The following PTPRA variants were observed in gnomAD, a reference collection of about 807,000 sequenced individuals.
The protein encoded by PTPRA is receptor-type tyrosine-protein phosphatase alpha.
Under a neutral mutation model 104.8 loss-of-function variants are expected in PTPRA, and 25 were observed. The observed-to-expected ratio is 0.24, with a 90% CI of 0.17 to 0.33. The LOEUF (loss-of-function observed/expected upper bound fraction) is 0.33. Ranked by LOEUF, PTPRA falls within the 10% of genes least tolerant of loss-of-function variation. The pLI, the probability that PTPRA is intolerant of heterozygous loss-of-function variation, is 1.00. For synonymous variants in PTPRA, 323 were observed against 368.9 expected (o/e 0.88, Z 1.43); for missense variants, 765 against 1,015.3 (o/e 0.75, Z 3.35).
At chr20:3,018,893 G>A (rs1391146517) in intron 13 of PTPRA, among the ~76,000 whole-genome samples, 78 of 117,888 alleles carry the variant, frequency 6.6e-4, no homozygotes, top group African/African-American at 2.8e-3. Context: ...GTGGCTGGCC[G>A]GGCAGAGGGG....
chr20:2,918,381 C>T (rs913210474), intron 1 of PTPRA, among the ~76,000 whole-genome samples: 1 of 152,064 alleles, frequency 6.6e-6, no homozygotes, highest in Admixed American at 6.6e-5. Flanking sequence ...ATCAGGAGAG[C>T]GATTTTCCTG....
intron 6 of PTPRA, among the ~76,000 whole-genome samples, chr20:2,982,428 A>G (rs918768252): frequency 3.9e-5 from 6 of 152,142 alleles, no homozygotes; most frequent in African/African-American, 1.4e-4. Flanking sequence ...AAAGACATTT[A>G]GTGATAAATT....
chr20:2,915,922 C>T (rs151319050), intron 1 of PTPRA, among the ~76,000 whole-genome samples: 1,633 of 152,190 alleles, frequency 0.011, 35 homozygotes, highest in African/African-American at 0.036. Flanking sequence ...TGCAGTGAGC[C>T]GAGATTGCAT....
At chr20:3,030,705 A>C (rs1388981433) in intron 20 of PTPRA, among the ~76,000 whole-genome samples, 1 of 20,146 alleles carries the variant, frequency 5.0e-5, no homozygotes, top group African/African-American at 2.8e-4. Flanking sequence ...TTTTTTTTTG[A>C]GATGGAGTCT....
At position 2,964,911 on chromosome 20, in the gene PTPRA, C is replaced by A; in HGVS notation, c.124C>A (p.Pro42Thr). Residue 42 changes from proline to threonine, a missense_variant, in exon 5 of 24, where the codon CCA becomes ACA. Transcript: ENST00000399903. The stretch of plus-strand genomic sequence containing the variant: ...ATTAATTAACTCATCAACGGCAGAA[C>A]CAGTTAAAGAAGAGGCCAAAACTTC... ...TRLINSSTAE[P>T]VKEEAKTSNP... The A allele has an allele frequency of 6.2e-7, 1 of 1,614,146 alleles. No individual in the cohort carries two copies. Among genetic ancestry groups the A allele is most frequent in the African/African-American group, 1.3e-5 (1 of 75,056 alleles).
chr20:2,941,021 T>TG (rs1389059713), intron 2 of PTPRA, among the ~76,000 whole-genome samples: 30 of 151,424 alleles, frequency 2.0e-4, no homozygotes, highest in South Asian at 4.2e-4. Context: ...GGTTTTTTTT[T>TG]GGGGGTTTTT....
chr20:2,966,002 A>C (rs906025009), intron 5 of PTPRA, among the ~76,000 whole-genome samples: 6 of 152,154 alleles, frequency 3.9e-5, no homozygotes, highest in Non-Finnish European at 8.8e-5. Context: ...TCTAGCAAAA[A>C]TCACTCTTTC....
At chr20:3,001,500 A>G (rs1055334186) in intron 9 of PTPRA, among the ~76,000 whole-genome samples, 2 of 152,216 alleles carry the variant, frequency 1.3e-5, no homozygotes, top group Admixed American at 6.5e-5. Flanking sequence ...ATTTTAGAGA[A>G]GGGATGCACA....
chr20:2,942,106 A>G (rs983760635), intron 2 of PTPRA, among the ~76,000 whole-genome samples: 5 of 152,186 alleles, frequency 3.3e-5, no homozygotes, highest in Non-Finnish European at 7.4e-5. Flanking sequence ...TATTTCCCCA[A>G]TGATTGCCTT....
In PTPRA at chr20:2,927,198, C is replaced by T. The variant is rs148632551; in HGVS notation, c.-50+3913C>T. 6.3e-3 allele frequency among the ~76,000 whole-genome samples: 956 copies of T among 152,174 alleles called. 4 individuals carry two copies. Among genetic ancestry groups the T allele is most frequent in the Non-Finnish European group, 9.9e-3 (671 of 68,000 alleles). ...GCTGGGATTACAGTCGTGAGTGCCGCGCCCACTTAATATTTATGTTATTAT... is the reference window on the plus strand; with the variant it reads ...GCTGGGATTACAGTCGTGAGTGCCGTGCCCACTTAATATTTATGTTATTAT... On this transcript the variant is annotated intron_variant, in intron 2 of 23. Transcript: ENST00000399903.
upstream of PTPRA, among the ~76,000 whole-genome samples, chr20:2,871,553 T>C (rs2089428648): frequency 6.6e-6 from 1 of 151,958 alleles, no homozygotes; most frequent in Admixed American, 6.6e-5. Flanking sequence ...TATTAAGAAA[T>C]AATAGTGTAA....
At position 3,037,151 on chromosome 20, in the gene PTPRA, C is replaced by T. The variant is rs746262266; in HGVS notation, c.2199-3C>T. On this transcript the variant is annotated splice_polypyrimidine_tract_variant and splice_region_variant and intron_variant, in intron 22 of 23. Transcript: ENST00000399903. The surrounding 1 kb of genome is among the most constrained non-coding windows in gnomAD (Gnocchi z 4.3). The stretch of plus-strand genomic sequence containing the variant: ...TGTGGTAAATGTGTCTGCTCTGTTG[C>T]AGCGCCGGGGCAGGAAGGACGGGGA... 2 of 1,613,496 alleles carry T rather than the reference C, an allele frequency of 1.2e-6. No individual in the cohort carries two copies. The highest frequency in any genetic ancestry group is 8.5e-7 in the Non-Finnish European group (1 of 1,179,660).
chr20:2,922,525 A>G (rs990562636), intron 1 of PTPRA, among the ~76,000 whole-genome samples: 3 of 152,032 alleles, frequency 2.0e-5, no homozygotes, highest in Non-Finnish European at 4.4e-5. Flanking sequence ...TTTTTGGTAG[A>G]GACGGGGTTT....
chr20:2,994,564 G>C (rs2063324213), intron 9 of PTPRA, among the ~76,000 whole-genome samples: 2 of 152,196 alleles, frequency 1.3e-5, no homozygotes, highest in South Asian at 4.1e-4. Flanking sequence ...TTCCTCACCA[G>C]TGTATAGCCT....
chr20:2,942,729 A>G (rs1283948265), intron 2 of PTPRA, among the ~76,000 whole-genome samples: 1 of 150,524 alleles, frequency 6.6e-6, no homozygotes, highest in East Asian at 1.9e-4. Flanking sequence ...TATATGATAT[A>G]TATTTAATAT....
At chr20:2,898,327 A>G (rs1329219487) in intron 1 of PTPRA, among the ~76,000 whole-genome samples, 3 of 151,062 alleles carry the variant, frequency 2.0e-5, no homozygotes, top group Admixed American at 1.3e-4. Context: ...TGATCCGCCC[A>G]CCTCGGCCTC....
At position 3,037,126 on chromosome 20, in the gene PTPRA, T is replaced by A. The variant is rs758483426; in HGVS notation, c.2199-28T>A. Reference sequence around the variant, plus strand: ...CCCTTGCACAGAGGGCCATCACAGGTGTGGTAAATGTGTCTGCTCTGTTGC... The same window carrying A: ...CCCTTGCACAGAGGGCCATCACAGGAGTGGTAAATGTGTCTGCTCTGTTGC... On this transcript the variant is annotated intron_variant, in intron 22 of 23. Transcript: ENST00000399903. The surrounding 1 kb of genome is among the most constrained non-coding windows in gnomAD (Gnocchi z 4.3). 6.2e-7 allele frequency: 1 copy of A among 1,609,598 alleles called. No homozygotes were observed. Among genetic ancestry groups the A allele is most frequent in the Non-Finnish European group, 8.5e-7 (1 of 1,177,632 alleles).
rs775813360 is a variant in PTPRA, at chr20:3,007,465, G to T, written c.906+45G>T. The T allele has an allele frequency of 8.3e-6, 13 of 1,557,520 alleles. No homozygotes were observed. In the Admixed American group the frequency reaches 8.4e-5, roughly 10 times the overall value. On this transcript the variant is annotated intron_variant, in intron 11 of 23. Coordinates refer to ENST00000399903, the MANE Select transcript of PTPRA (RefSeq NM_001385305.1). ...CCTGTCACTTCCCTGCCTGACCATT[G>T]CCACTATCTGTTGGCTCCTCCCCAG...
intron 9 of PTPRA, among the ~76,000 whole-genome samples, chr20:2,998,052 C>G (rs1033200775): frequency 2.6e-5 from 4 of 151,938 alleles, no homozygotes; most frequent in Admixed American, 6.6e-5. Flanking sequence ...TCATTTGAGC[C>G]CAACACTTGG....
Sources: gnomAD v4.1 joint callset for allele counts (sites outside exome capture counted in the v4.1 genomes callset) on GRCh38, gnomAD v4.1.1 for gene constraint, Gnocchi (gnomAD v3.1) non-coding constraint, MANE v1.5 for transcripts, NCBI Gene and HGNC (gene_info 2026-07-23, HGNC 2026-07-21) for gene names.